Variants in AGAP1 observed in about 807,000 individuals in gnomAD.
The protein encoded by AGAP1 is arf-GAP with GTPase, ANK repeat and PH domain-containing protein 1.
AGAP1 carries 29 observed loss-of-function variants against 105.3 expected under a neutral mutation model. The observed-to-expected ratio is 0.28, with a 90% CI of 0.21 to 0.38. AGAP1 has a LOEUF of 0.38. Ranked by LOEUF, AGAP1 falls within the 10% of genes least tolerant of loss-of-function variation. AGAP1 has a pLI of 1.00. For synonymous variants in AGAP1, 509 were observed against 485.9 expected, an observed-to-expected ratio of 1.05 and a Z score of -0.63; for missense variants, 998 against 1,165.1, an observed-to-expected ratio of 0.86 and a Z score of 2.09.
chr2:235,846,781 C>T (rs996159758), intron 9 of AGAP1, among the ~76,000 whole-genome samples: 13 of 152,322 alleles, frequency 8.5e-5, no homozygotes, highest in African/African-American at 2.9e-4. Context: ...GGACTACAAG[C>T]ATACTCCACC....
Position 235,801,016 on chromosome 2 carries a change from C to T in AGAP1, c.957+1494C>T, listed in dbSNP as rs1346956845. Among the ~76,000 whole-genome samples the T allele has an allele frequency of 6.6e-6, 1 of 152,180 alleles. No individual in the cohort carries two copies. Among genetic ancestry groups the T allele is most frequent in the Admixed American group, 6.5e-5 (1 of 15,280 alleles). ...TTCCTGCCAAGTCTGGGAGATCCCC[C>T]GCCCCTCTGCCACATGTCTGGGGCA... On this transcript the variant is annotated intron_variant, in intron 8 of 17. Transcript: ENST00000304032. This position sits in a 1 kb window ranked among gnomAD's most constrained non-coding sequence, Gnocchi z 6.0.
rs566166527 is a variant in AGAP1 at position 236,042,145 on chromosome 2, A to G, written c.1891+1304A>G. ...CCCTGAGCTCCACTTGGGGAGATGG[A>G]TCTGGCCAGACCATTTTGAACATAC... On this transcript the variant is annotated intron_variant, in intron 15 of 17. Transcript: ENST00000304032. This position sits in a 1 kb window ranked among gnomAD's most constrained non-coding sequence, Gnocchi z 5.6. Among the ~76,000 whole-genome samples the G allele has an allele frequency of 6.6e-6, 1 of 152,290 alleles. No individual in the cohort carries two copies. The highest frequency in any genetic ancestry group is 2.4e-5 in the African/African-American group (1 of 41,562).
chr2:235,575,130 C>T (rs947884886), intron 1 of AGAP1, among the ~76,000 whole-genome samples: 2 of 100,942 alleles, frequency 2.0e-5, no homozygotes, highest in African/African-American at 1.4e-4. Context: ...CTCGAAAAAA[C>T]AAAAACAACA....
At position 235,566,724 on chromosome 2, in the gene AGAP1, G is replaced by A; in HGVS notation, c.163+71875G>A. On this transcript the variant is annotated intron_variant, in intron 1 of 17. Transcript: ENST00000304032. This position sits in a 1 kb window ranked among gnomAD's most constrained non-coding sequence, Gnocchi z 5.2. ...TGCATATTCAGGCAGGAAGTTGTTG[G>A]GGTTAACATGAGTGGACCCTAGATT... 1 of 585,624 alleles carries A rather than the reference G, an allele frequency of 1.7e-6. No individual in the cohort carries two copies. Among genetic ancestry groups the A allele is most frequent in the Non-Finnish European group, 2.2e-6 (1 of 464,630 alleles). The allele number at this position is 585,624 out of a possible 1,614,324, so 36.3% of individuals were successfully genotyped here.
Position 235,692,695 on chromosome 2 carries a change from A to AC in AGAP1, c.164-16480dup, listed in dbSNP as rs1405436463. On this transcript the variant is annotated intron_variant, in intron 1 of 17. Transcript: ENST00000304032. The surrounding 1 kb of genome is among the most constrained non-coding windows in gnomAD (Gnocchi z 5.8). ...TCAGAGAAGCCGATGACTGACGTGC[A>AC]CCCCGCCAGCCTCCCTGCTTATCCT... is the stretch of plus-strand genomic sequence containing the variant. Among the ~76,000 whole-genome samples the AC allele has an allele frequency of 6.6e-6, 1 of 151,618 alleles. No homozygotes were observed. Among genetic ancestry groups the AC allele is most frequent in the Non-Finnish European group, 1.5e-5 (1 of 67,926 alleles).
intron 13 of AGAP1, among the ~76,000 whole-genome samples, chr2:235,978,537 G>A (rs1258859053): frequency 6.6e-6 from 1 of 152,204 alleles, no homozygotes; most frequent in Admixed American, 6.5e-5. Flanking sequence ...TGGCATTTCT[G>A]TTGTCACAAA....
rs764156934 is a variant in AGAP1 at position 235,905,431 on chromosome 2, C to T, written c.1156-3307C>T. On this transcript the variant is annotated intron_variant, in intron 10 of 17. Coordinates refer to ENST00000304032, the MANE Select transcript of AGAP1 (RefSeq NM_001037131.3). The surrounding 1 kb of genome is among the most constrained non-coding windows in gnomAD (Gnocchi z 4.2). ...TATTAATGGAAGTAAACTAAAGATG[C>T]TTGAGAAAAACCTTTTTTAGGAAGT... Among the ~76,000 whole-genome samples, 1 of 152,160 alleles carries T rather than the reference C, an allele frequency of 6.6e-6. No individual in the cohort carries two copies. The highest frequency in any genetic ancestry group is 1.5e-5 in the Non-Finnish European group (1 of 68,020).
Position 235,934,668 on chromosome 2 carries a change from T to TC in AGAP1, c.1483+3751dup, listed in dbSNP as rs1251126751. On this transcript the variant is annotated intron_variant, in intron 12 of 17. Transcript: ENST00000304032. The surrounding 1 kb of genome is among the most constrained non-coding windows in gnomAD (Gnocchi z 4.9). ...CTTCTTAAGTTGCCGGTGATATAAG[T>TC]CCCCCCTGCCCCCACTTCCTTTTCG... Among the ~76,000 whole-genome samples the TC allele has an allele frequency of 2.0e-5, 3 of 151,958 alleles. No individual in the cohort carries two copies. Among genetic ancestry groups the TC allele is most frequent in the Non-Finnish European group, 4.4e-5 (3 of 68,002 alleles).
Position 235,930,555 on chromosome 2 carries a change from T to C in AGAP1, c.1325-210T>C, listed in dbSNP as rs1174539203. 6.6e-6 allele frequency among the ~76,000 whole-genome samples: 1 copy of C among 152,130 alleles called. No homozygotes were observed. Among genetic ancestry groups the C allele is most frequent in the Non-Finnish European group, 1.5e-5 (1 of 68,038 alleles). ...GTGGCATCGGGTCCCTTCACATTGCTTTGTCAGGCACCATCAAGATTGGCG... is the reference window on the plus strand; with the variant it reads ...GTGGCATCGGGTCCCTTCACATTGCCTTGTCAGGCACCATCAAGATTGGCG... On this transcript the variant is annotated intron_variant, in intron 11 of 17. Transcript: ENST00000304032. The surrounding 1 kb of genome is among the most constrained non-coding windows in gnomAD (Gnocchi z 7.9).
rs1171922485 is a variant in AGAP1 at position 236,000,246 on chromosome 2, T to C, written c.1645+31623T>C. Among the ~76,000 whole-genome samples, 2 of 152,212 alleles carry C rather than the reference T, an allele frequency of 1.3e-5. No homozygotes were observed. The highest frequency in any genetic ancestry group is 1.5e-5 in the Non-Finnish European group (1 of 68,036). On this transcript the variant is annotated intron_variant, in intron 13 of 17. Transcript: ENST00000304032. The surrounding 1 kb of genome is among the most constrained non-coding windows in gnomAD (Gnocchi z 4.3). ...ATCAATAGGTTCTTAAAACTTCGAC[T>C]TGAAGCGAAAGGACTTATAATGAAG...
chr2:235,889,948 A>G lies in AGAP1; in HGVS notation c.1155+6499A>G, dbSNP rs1330432397. 6.6e-6 allele frequency among the ~76,000 whole-genome samples: 1 copy of G among 152,008 alleles called. No homozygotes were observed. The highest frequency in any genetic ancestry group is 1.5e-5 in the Non-Finnish European group (1 of 67,990). On this transcript the variant is annotated intron_variant, in intron 10 of 17. Transcript: ENST00000304032. The surrounding 1 kb of genome is among the most constrained non-coding windows in gnomAD (Gnocchi z 4.6). ...GCCAGTGATAACCTCCAGGCCCCAG[A>G]TCTGCTCAGCTTGGGTTCTGTGAAG...
chr2:235,502,381 G>C lies in AGAP1; in HGVS notation c.163+7532G>C, dbSNP rs545282712. Among the ~76,000 whole-genome samples, 3 of 152,280 alleles carry C rather than the reference G, an allele frequency of 2.0e-5. No homozygotes were observed. The South Asian group carries it at 6.2e-4, about 32-fold the overall frequency. On this transcript the variant is annotated intron_variant, in intron 1 of 17. Coordinates refer to ENST00000304032, the MANE Select transcript of AGAP1 (RefSeq NM_001037131.3). The stretch of plus-strand genomic sequence containing the variant: ...TAAAGAGCAGACTAAATATAGGCTC[G>C]AGGGTGGGGACCAGGGCCCGAGAGG...
chr2:235,612,878 T>G lies in AGAP1; in HGVS notation c.164-96301T>G, dbSNP rs1559289029. ...TGCTTCCAGTGAGACTCCGCCCAGG[T>G]TATGTTTGTGGCCTTTTATCTCTCC... On this transcript the variant is annotated intron_variant, in intron 1 of 17. Transcript: ENST00000304032. The surrounding 1 kb of genome is among the most constrained non-coding windows in gnomAD (Gnocchi z 4.3). 6.6e-6 allele frequency among the ~76,000 whole-genome samples: 1 copy of G among 152,100 alleles called. No homozygotes were observed. Among genetic ancestry groups the G allele is most frequent in the Admixed American group, 6.5e-5 (1 of 15,274 alleles).
intron 9 of AGAP1, among the ~76,000 whole-genome samples, chr2:235,854,225 A>G (rs971891335): frequency 6.6e-6 from 1 of 151,948 alleles, no homozygotes; most frequent in Non-Finnish European, 1.5e-5. Context: ...AGTGTTGACA[A>G]CTCCTGTCAC....
intron 1 of AGAP1, among the ~76,000 whole-genome samples, chr2:235,592,108 CA>C (rs1180318627): frequency 6.6e-6 from 1 of 152,220 alleles, no homozygotes; most frequent in African/African-American, 2.4e-5. Flanking sequence ...CGCTGGTTCC[CA>C]GGGGCCCAGG....
At position 235,701,097 on chromosome 2, in the gene AGAP1, T is replaced by A. The variant is rs1268048783; in HGVS notation, c.164-8082T>A. Among the ~76,000 whole-genome samples, 8 of 146,504 alleles carry A rather than the reference T, an allele frequency of 5.5e-5. No individual in the cohort carries two copies. The East Asian group carries it at 1.6e-3, about 29-fold the overall frequency. ...AGTTATATGTATATATTATATACTCTATAATATAGTTATATGTACATATTA... is the reference window on the plus strand; with the variant it reads ...AGTTATATGTATATATTATATACTCAATAATATAGTTATATGTACATATTA... On this transcript the variant is annotated intron_variant, in intron 1 of 17. Coordinates refer to ENST00000304032, the MANE Select transcript of AGAP1 (RefSeq NM_001037131.3). The surrounding 1 kb of genome is among the most constrained non-coding windows in gnomAD (Gnocchi z 4.1).
rs901839759 is a variant in AGAP1 at position 235,552,047 on chromosome 2, A to G, written c.163+57198A>G. 2.6e-5 allele frequency among the ~76,000 whole-genome samples: 4 copies of G among 152,200 alleles called. No homozygotes were observed. Among genetic ancestry groups the G allele is most frequent in the Admixed American group, 1.3e-4 (2 of 15,278 alleles). ...TTCTCTGGTCCCTGCCACCTGCTGG[A>G]AGGAGCCTGCAGGGAACTGTTTGTT... On this transcript the variant is annotated intron_variant, in intron 1 of 17. Coordinates refer to ENST00000304032, the MANE Select transcript of AGAP1 (RefSeq NM_001037131.3). The surrounding 1 kb of genome is among the most constrained non-coding windows in gnomAD (Gnocchi z 5.9).
chr2:235,911,603 G>A (rs2051619595), intron 11 of AGAP1, among the ~76,000 whole-genome samples: 1 of 152,188 alleles, frequency 6.6e-6, no homozygotes, highest in African/African-American at 2.4e-5. Context: ...TAATACAAAG[G>A]CCCTATAAAC....
At position 235,799,298 on chromosome 2, in the gene AGAP1, C is replaced by A. The variant is rs1056126796; in HGVS notation, c.802-69C>A. On this transcript the variant is annotated intron_variant, in intron 7 of 17. Transcript: ENST00000304032. The surrounding 1 kb of genome is among the most constrained non-coding windows in gnomAD (Gnocchi z 5.0). ...CTCATGCTCACTTGTTGGTTATGAC[C>A]TTGCCTAAGTGGAGGTCTTGGGTTC... The A allele has an allele frequency of 7.7e-6, 12 of 1,556,818 alleles. No homozygotes were observed. The African/African-American group carries it at 1.6e-4, about 21-fold the overall frequency.
Sources: gnomAD v4.1 joint callset for allele counts (sites outside exome capture counted in the v4.1 genomes callset) on GRCh38, gnomAD v4.1.1 for gene constraint, Gnocchi (gnomAD v3.1) non-coding constraint, MANE v1.5 for transcripts, NCBI Gene and HGNC (gene_info 2026-07-23, HGNC 2026-07-21) for gene names.